TMCO4: variants seen among roughly 807,000 people sequenced by gnomAD.
TMCO4 encodes transmembrane and coiled-coil domain-containing protein 4.
A neutral mutation model predicts 64.7 loss-of-function variants in TMCO4; 58 were observed. That is an observed-to-expected ratio of 0.90 (90% CI 0.73 to 1.12). The LOEUF is 1.12. TMCO4 is among the 50% of genes most tolerant of loss of function. TMCO4 has a pLI of 0.00. For synonymous variants in TMCO4, 325 were observed against 346.1 expected (o/e 0.94, Z 0.68); for missense variants, 780 against 825.9 (o/e 0.94, Z 0.68).
At chr1:19,784,416 C>T (rs949760784) in intron 3 of TMCO4, among the ~76,000 whole-genome samples, 2 of 152,100 alleles carry the variant, frequency 1.3e-5, no homozygotes, top group Non-Finnish European at 2.9e-5. Context: ...TGCCTGTAAT[C>T]CCAGCTACTC....
At chr1:19,771,155 T>A (rs2042961967) in intron 5 of TMCO4, among the ~76,000 whole-genome samples, 153 bp downstream of exon 5, 1 of 152,160 alleles carries the variant, frequency 6.6e-6, no homozygotes, top group African/African-American at 2.4e-5. Context: ...ATAATGATAA[T>A]TCAACATCAG....
At chr1:19,769,065 C>T (rs2042870526) in intron 6 of TMCO4, among the ~76,000 whole-genome samples, 1 of 152,198 alleles carries the variant, frequency 6.6e-6, no homozygotes, top group Non-Finnish European at 1.5e-5. Flanking sequence ...AGCTCATCCG[C>T]CCTGCTGCGT....
intron 7 of TMCO4, among the ~76,000 whole-genome samples, chr1:19,747,529 A>C (rs1475935030): frequency 1.3e-5 from 2 of 152,218 alleles, no homozygotes; most frequent in Non-Finnish European, 2.9e-5. Flanking sequence ...AAAGACAAAA[A>C]ATAATAATAG....
intron 2 of TMCO4, among the ~76,000 whole-genome samples, chr1:19,797,735 G>A (rs1432814468): frequency 6.6e-6 from 1 of 151,684 alleles, no homozygotes; most frequent in Non-Finnish European, 1.5e-5. Flanking sequence ...ATGATGGTGG[G>A]CGCCTGTAGT....
intron 10 of TMCO4, among the ~76,000 whole-genome samples, chr1:19,744,850 T>C (rs1001738965): frequency 2.0e-5 from 3 of 152,232 alleles, no homozygotes; most frequent in African/African-American, 7.2e-5. Context: ...ACTCGGTCTG[T>C]CTTCTATCTT....
intron 10 of TMCO4, among the ~76,000 whole-genome samples, chr1:19,742,776 CAG>C (rs1326333253): frequency 2.0e-5 from 3 of 152,238 alleles, no homozygotes; most frequent in African/African-American, 7.2e-5. Context: ...GTGGGGATCA[CAG>C]GAGATGCTGC....
intron 13 of TMCO4, among the ~76,000 whole-genome samples, chr1:19,705,027 C>G (rs963882491): frequency 6.6e-6 from 1 of 152,132 alleles, no homozygotes; most frequent in South Asian, 2.1e-4. Context: ...AGATAAGCTA[C>G]GTGGCAGGCT....
chr1:19,745,366 G>T, intron 10 of TMCO4, 166 bp downstream of exon 10: 1 of 1,061,674 alleles, frequency 9.4e-7, no homozygotes, highest in African/African-American at 1.6e-5. Context: ...TGGGCAGGTG[G>T]ACAGATGTGA....
rs138339444 is a variant in TMCO4, at chr1:19,758,339, G to C, written c.383-2573C>G. Among the ~76,000 whole-genome samples the C allele has an allele frequency of 3.3e-3, 508 of 152,288 alleles. 1 individual carries two copies. Among genetic ancestry groups the C allele is most frequent in the African/African-American group, 0.011 (448 of 41,556 alleles). On this transcript the variant is annotated intron_variant, in intron 6 of 15. Coordinates refer to ENST00000294543, the MANE Select transcript of TMCO4 (RefSeq NM_181719.7). ...CAGTAAACTTCCATGGAAAAAAGGA[G>C]CTCCTTCCTTCCCCCATAGGAGCAA...
chr1:19,746,641 G>A (rs766069735), intron 8 of TMCO4, 42 bp from the exon 9 acceptor site: 3 of 1,576,072 alleles, frequency 1.9e-6, no homozygotes, highest in African/African-American at 1.3e-5. Flanking sequence ...TAAAAATGTG[G>A]TGGCTGGACG....
At chr1:19,699,216 G>T (rs560894519) in intron 14 of TMCO4, among the ~76,000 whole-genome samples, 1 of 151,326 alleles carries the variant, frequency 6.6e-6, no homozygotes, top group Non-Finnish European at 1.5e-5. Flanking sequence ...AAAGGCATGT[G>T]CTATGTGAGT....
At chr1:19,754,611 G>A (rs1288964681) in intron 7 of TMCO4, among the ~76,000 whole-genome samples, 1 of 152,170 alleles carries the variant, frequency 6.6e-6, no homozygotes, top group Non-Finnish European at 1.5e-5. Context: ...CGTGCCTGGT[G>A]CCAGGAGCCT....
chr1:19,683,392 A>C lies in TMCO4; in HGVS notation c.1553T>G (p.Val518Gly). 6.2e-7 allele frequency: 1 copy of C among 1,613,674 alleles called. No homozygotes were observed. The highest frequency in any genetic ancestry group is 8.5e-7 in the Non-Finnish European group (1 of 1,180,026). Residue 518 changes from valine to glycine, a missense_variant, in exon 16 of 16, where the codon GTG (valine) becomes GGG (glycine). Transcript: ENST00000294543. ...CCAGCCTGGCTTGGTGCGGATGCCC[A>C]CGGCCTTCAGGATGGCATCCATCTG... The part of the protein sequence containing the change: ...AKQMDAILKA[V>G]GIRTKPGWDE...
rs1306736106 is a variant in TMCO4 at position 19,755,625 on chromosome 1, C to T, written c.515+9G>A. 6.2e-7 allele frequency: 1 copy of T among 1,613,740 alleles called. No individual in the cohort carries two copies. The highest frequency in any genetic ancestry group is 1.1e-5 in the South Asian group (1 of 91,068). On this transcript the variant is annotated intron_variant, in intron 7 of 15. Transcript: ENST00000294543. Reference sequence around the variant, plus strand: ...TTGGATCCTGATGGGGGTCGCGGGGCTCTCTTACTCAGATTCCTCTTCTTT... The same window carrying T: ...TTGGATCCTGATGGGGGTCGCGGGGTTCTCTTACTCAGATTCCTCTTCTTT...
At position 19,740,944 on chromosome 1, in the gene TMCO4, G is replaced by A; in HGVS notation, c.878-3C>T. 6.3e-7 allele frequency: 1 copy of A among 1,598,184 alleles called. No individual in the cohort carries two copies. Among genetic ancestry groups the A allele is most frequent in the Non-Finnish European group, 8.5e-7 (1 of 1,172,052 alleles). ...AGCCCACGGGGCACTGAAGGTGCCT[G>A]GGGAGATCACAGGTAGGTGAAGTCT... On this transcript the variant is annotated splice_polypyrimidine_tract_variant and splice_region_variant and intron_variant, in intron 10 of 15. Coordinates refer to ENST00000294543, the MANE Select transcript of TMCO4 (RefSeq NM_181719.7).
At chr1:19,796,099 T>A in intron 2 of TMCO4, among the ~76,000 whole-genome samples, 1 of 152,340 alleles carries the variant, frequency 6.6e-6, no homozygotes, top group East Asian at 1.9e-4. Flanking sequence ...AGCTTAGATT[T>A]TCTGGGGCCT....
At chr1:19,785,095 C>T (rs1312876688) in intron 3 of TMCO4, among the ~76,000 whole-genome samples, 1 of 152,160 alleles carries the variant, frequency 6.6e-6, no homozygotes, top group African/African-American at 2.4e-5. Flanking sequence ...TCATTCCCTC[C>T]AGGCCCTTGC....
In TMCO4 at chr1:19,722,184, T is replaced by C. The variant is rs191958851; in HGVS notation, c.1264+15188A>G. On this transcript the variant is annotated intron_variant, in intron 13 of 15. Transcript: ENST00000294543. Reference sequence around the variant, plus strand: ...GTGGAGGTTTGTTTGAACCAGACGATTTCAAACGTCTTTTGGAACCCTGAG... The same window carrying C: ...GTGGAGGTTTGTTTGAACCAGACGACTTCAAACGTCTTTTGGAACCCTGAG... 1.3e-3 allele frequency among the ~76,000 whole-genome samples: 198 copies of C among 152,320 alleles called. 1 individual carries two copies. The highest frequency in any genetic ancestry group is 3.1e-3 in the Admixed American group (47 of 15,300).
chr1:19,796,330 G>C (rs2044306145), intron 2 of TMCO4, among the ~76,000 whole-genome samples: 1 of 152,074 alleles, frequency 6.6e-6, no homozygotes, highest in Non-Finnish European at 1.5e-5. Context: ...CCCTGGATTT[G>C]TCCAGCGAAT....
Sources: gnomAD v4.1 joint callset for allele counts (sites outside exome capture counted in the v4.1 genomes callset) on GRCh38, gnomAD v4.1.1 for gene constraint, MANE v1.5 for transcripts, NCBI Gene and HGNC (gene_info 2026-07-23, HGNC 2026-07-21) for gene names.